The following PHLDB1 variants were observed in gnomAD, a reference collection of about 807,000 sequenced individuals.
PHLDB1 encodes the protein pleckstrin homology like domain family B member 1.
A neutral mutation model predicts 139.3 loss-of-function variants in PHLDB1; 65 were observed. The observed-to-expected ratio is 0.47, with a 90% CI of 0.38 to 0.57. The LOEUF is 0.57. Ranked by LOEUF, PHLDB1 falls within the 20% of genes least tolerant of loss-of-function variation. The probability of loss-of-function intolerance (pLI) is 0.00; values close to 1 mark genes in which losing one functional copy is unlikely to be tolerated. For synonymous variants in PHLDB1, 679 were observed against 734.5 expected (o/e 0.92, Z 1.22); for missense variants, 1,624 against 1,839.7 (o/e 0.88, Z 2.14).
chr11:118,639,573 T>C, intron 12 of PHLDB1: 1 of 444,730 alleles, frequency 2.2e-6, no homozygotes, highest in East Asian at 4.1e-5. Context: ...CTGGATGGAC[T>C]CACCTTGAAG....
intron 9 of PHLDB1, chr11:118,634,969 A>T (rs1316215960): frequency 2.2e-6 from 1 of 459,092 alleles, no homozygotes; most frequent in African/African-American, 2.0e-5. Flanking sequence ...GAGGCCCGCC[A>T]GGCGCTCTAC....
chr11:118,656,305 T>C (rs1949060638), intron 22 of PHLDB1, among the ~76,000 whole-genome samples: 1 of 152,150 alleles, frequency 6.6e-6, no homozygotes, highest in African/African-American at 2.4e-5. Flanking sequence ...GGGCCTGGCA[T>C]CCTACTTGTT....
chr11:118,626,957 C>T (rs1346653676), intron 5 of PHLDB1: 2 of 277,300 alleles, frequency 7.2e-6, no homozygotes, highest in African/African-American at 2.3e-5. Context: ...GCCTGGCCTA[C>T]GTGCCCTTCT....
intron 6 of PHLDB1, among the ~76,000 whole-genome samples, chr11:118,629,577 A>G (rs1323795938): frequency 9.2e-5 from 14 of 152,202 alleles, no homozygotes; most frequent in Admixed American, 9.2e-4. Flanking sequence ...ACTGATGAGA[A>G]CCAGAACTGA....
chr11:118,620,931 C>G lies in PHLDB1; in HGVS notation c.356-4003C>G, dbSNP rs1942642669. On this transcript the variant is annotated intron_variant, in intron 4 of 22. Coordinates refer to ENST00000600882, the MANE Select transcript of PHLDB1 (RefSeq NM_001144758.3). This position sits in a 1 kb window ranked among gnomAD's most constrained non-coding sequence, Gnocchi z 4.1. ...GCCCCTGCTCTTTTCCTCTCCCTCT[C>G]TCTCTCAGATATGGACCCATGGAAT... Among the ~76,000 whole-genome samples the G allele has an allele frequency of 6.6e-6, 1 of 152,162 alleles. No homozygotes were observed. The highest frequency in any genetic ancestry group is 1.5e-5 in the Non-Finnish European group (1 of 68,034).
rs782515711 is a variant in PHLDB1 at position 118,611,818 on chromosome 11, CAA to C, written c.-21-1983_-21-1982del. Among the ~76,000 whole-genome samples the C allele has an allele frequency of 3.7e-5, 4 of 108,996 alleles. No homozygotes were observed. Among genetic ancestry groups the C allele is most frequent in the African/African-American group, 5.6e-5 (2 of 36,026 alleles). The allele number at this position is 108,996 out of a possible 152,430, so 71.5% of individuals were successfully genotyped here. A position where few individuals can be genotyped will look rare whatever the true frequency, so the allele number is the denominator to read the frequency against. On this transcript the variant is annotated intron_variant, in intron 1 of 22. Transcript: ENST00000600882. This position sits in a 1 kb window ranked among gnomAD's most constrained non-coding sequence, Gnocchi z 4.7. ...GGGCAACAAGAGTGAAACTCCGTCT[CAA>C]AAAAAAAAAAAAAATAATAATAATA...
At chr11:118,624,852 C>T in intron 4 of PHLDB1, 82 bp from the exon 5 acceptor site, 1 of 1,448,568 alleles carries the variant, frequency 6.9e-7, no homozygotes, top group South Asian at 1.2e-5. Flanking sequence ...TCAGGTGATC[C>T]ACCCTCCTCC....
chr11:118,635,482 C>T lies in PHLDB1; in HGVS notation c.2469C>T (p.Arg823=), dbSNP rs151237734. 5.2e-4 allele frequency: 843 copies of T among 1,608,816 alleles called. 3 individuals are homozygous for T. The African/African-American group carries it at 9.9e-3, about 19-fold the overall frequency. ...LERESRVEEE[R]ELAGQGLLRS... is the part of the protein sequence containing the mutation. ...GGGAGAGCCGCGTGGAGGAGGAGCG[C>T]GAGCTGGCCGGCCAGGGGCTGCTCC... Residue 823 remains arginine (R), a synonymous_variant, in exon 10 of 23, where the codon CGC becomes CGT. Coordinates refer to ENST00000600882, the MANE Select transcript of PHLDB1 (RefSeq NM_001144758.3).
intron 5 of PHLDB1, chr11:118,627,043 T>C: frequency 3.9e-6 from 2 of 519,290 alleles, no homozygotes; most frequent in Non-Finnish European, 6.8e-6. Context: ...TAGAAGTGCC[T>C]ATCATTGTTA....
In PHLDB1 at chr11:118,627,684, C is replaced by A. The variant is rs1944105072; in HGVS notation, c.861C>A (p.Ala287=). The change falls in exon 6 of 23, where the codon GCC becomes GCA. Residue 287 remains alanine, a synonymous_variant. Transcript: ENST00000600882. The part of the protein sequence containing the change: ...PGPSVPPLVP[A]RSSSYHLALQ... ...CTTCTGTGCCCCCGCTGGTACCTGC[C>A]CGTTCCTCCAGCTACCATCTGGCCC... The A allele has an allele frequency of 4.3e-6, 7 of 1,610,808 alleles. No homozygotes were observed. Among genetic ancestry groups the A allele is most frequent in the Non-Finnish European group, 5.9e-6 (7 of 1,180,034 alleles).
intron 6 of PHLDB1, chr11:118,630,026 CG>C (rs1418750321): frequency 2.0e-5 from 25 of 1,258,768 alleles, no homozygotes; most frequent in African/African-American, 6.6e-5. Context: ...GGCTCTGTTC[CG>C]GTTTTTTTTT....
At chr11:118,623,405 C>T (rs1943199598) in intron 4 of PHLDB1, among the ~76,000 whole-genome samples, 1 of 152,242 alleles carries the variant, frequency 6.6e-6, no homozygotes. Context: ...ACATCTGCCA[C>T]TGTGCACACT....
At chr11:118,613,772 C>A in intron 1 of PHLDB1, 44 bp from the exon 2 acceptor site, 1 of 1,240,086 alleles carries the variant, frequency 8.1e-7, no homozygotes, top group Non-Finnish European at 1.2e-6. Flanking sequence ...TTTCCCTCTC[C>A]TGCCCTGGCC....
intron 4 of PHLDB1, among the ~76,000 whole-genome samples, chr11:118,623,742 G>GT (rs540037720): frequency 1.1e-4 from 17 of 151,342 alleles, no homozygotes; most frequent in Admixed American, 3.3e-4. Flanking sequence ...CCCTATCTCA[G>GT]TTTTTTTTTG....
chr11:118,617,686 T>G (rs1941930636), intron 4 of PHLDB1, among the ~76,000 whole-genome samples: 1 of 151,878 alleles, frequency 6.6e-6, no homozygotes, highest in Non-Finnish European at 1.5e-5. Flanking sequence ...GGGCAGGGCA[T>G]GGACAATTGA....
chr11:118,629,999 A>G, intron 6 of PHLDB1: 1 of 1,281,706 alleles, frequency 7.8e-7, no homozygotes, highest in South Asian at 1.2e-5. Context: ...GCACTGGCCC[A>G]GCCTCCCAGG....
chr11:118,639,374 G>A, intron 12 of PHLDB1, 123 bp downstream of exon 12: 3 of 722,904 alleles, frequency 4.1e-6, no homozygotes, highest in South Asian at 3.2e-5. Context: ...GAATGGGAGA[G>A]ATTTGAGGAG....
chr11:118,656,554 G>T, intron 22 of PHLDB1, 129 bp from the exon 23 acceptor site: 3 of 782,988 alleles, frequency 3.8e-6, no homozygotes, highest in East Asian at 2.5e-5. Context: ...CTAGGCTCTG[G>T]ACCTATTTAG....
intron 9 of PHLDB1, chr11:118,635,117 G>A: frequency 3.6e-6 from 2 of 551,776 alleles, no homozygotes; most frequent in Non-Finnish European, 6.7e-6. Flanking sequence ...AGAGGAGAGC[G>A]GTGGGACGGG....
Sources: allele counts gnomAD v4.1 joint callset (sites outside exome capture counted in the v4.1 genomes callset), GRCh38; gene constraint gnomAD v4.1.1; non-coding constraint Gnocchi (gnomAD v3.1); transcripts MANE v1.5; gene names NCBI Gene and HGNC (gene_info 2026-07-23, HGNC 2026-07-21).